The following ANK3 variants were observed in gnomAD, a reference collection of about 807,000 sequenced individuals.
The protein encoded by ANK3 is ankyrin-3.
ANK3 carries 57 observed loss-of-function variants against 370.9 expected under a neutral mutation model. The ratio of observed to expected loss-of-function variants is 0.15; its 90% CI spans 0.12 to 0.19. The LOEUF (loss-of-function observed/expected upper bound fraction) is 0.19, where lower values mean the gene tolerates loss of function less well. Ranked by LOEUF, ANK3 falls within the 10% of genes least tolerant of loss-of-function variation. ANK3 has a pLI of 1.00. For synonymous variants in ANK3, 1,929 were observed against 1,946.3 expected, an observed-to-expected ratio of 0.99 and a Z score of 0.23; for missense variants, 4,439 against 5,302.1, an observed-to-expected ratio of 0.84 and a Z score of 5.06.
chr10:60,468,541 C>T (rs947485316), intron 2 of ANK3, among the ~76,000 whole-genome samples: 1 of 152,048 alleles, frequency 6.6e-6, no homozygotes, highest in African/African-American at 2.4e-5. Context: ...ACTGGACTCT[C>T]TCTCCTCCTA....
intron 43 of ANK3, among the ~76,000 whole-genome samples, chr10:60,030,348 T>C (rs1024029572): frequency 4.6e-5 from 7 of 152,176 alleles, no homozygotes; most frequent in Non-Finnish European, 1.0e-4. Flanking sequence ...TTCACTATGT[T>C]AGTCAGGATG....
At chr10:60,290,074 T>G (rs2040980694) in intron 1 of ANK3, among the ~76,000 whole-genome samples, 1 of 152,200 alleles carries the variant, frequency 6.6e-6, no homozygotes, top group South Asian at 2.1e-4. Flanking sequence ...TAAGATATTG[T>G]GCACTGATAT....
chr10:60,401,923 A>G lies in ANK3; in HGVS notation c.97-122284T>C, dbSNP rs1224903980. Among the ~76,000 whole-genome samples, 3 of 152,210 alleles carry G rather than the reference A, an allele frequency of 2.0e-5. No homozygotes were observed. In the East Asian group the frequency reaches 5.8e-4, roughly 29 times the overall value. ...TGACTTAACGGCTAGGCTAAAATAT[A>G]TACTGAAGAGACTGGTGGAATTAAA... On this transcript the variant is annotated intron_variant, in intron 2 of 43. Coordinates refer to the ANK3 transcript ENST00000373827.
intron 2 of ANK3, among the ~76,000 whole-genome samples, chr10:60,458,947 A>G (rs2064816758): frequency 6.6e-6 from 1 of 152,118 alleles, no homozygotes. Flanking sequence ...ATTGGCCTTA[A>G]TGCTCCTAAC....
At chr10:60,375,623 A>T (rs1023902144) in intron 1 of ANK3, among the ~76,000 whole-genome samples, 4 of 152,162 alleles carry the variant, frequency 2.6e-5, no homozygotes, top group African/African-American at 9.7e-5. Context: ...TGATCTGGGA[A>T]ATACCACCAC....
chr10:60,432,713 T>C (rs1033652540), intron 2 of ANK3, among the ~76,000 whole-genome samples: 4 of 152,156 alleles, frequency 2.6e-5, no homozygotes, highest in Non-Finnish European at 4.4e-5. Context: ...TACATTCAGG[T>C]GGAGGCCTAG....
chr10:60,302,511 C>T (rs2044046202), intron 1 of ANK3, among the ~76,000 whole-genome samples: 1 of 152,082 alleles, frequency 6.6e-6, no homozygotes, highest in Admixed American at 6.6e-5. Flanking sequence ...TATTTTAGTT[C>T]TCACAGCTAT....
At chr10:60,169,366 T>TCG (rs1555052716) in intron 21 of ANK3, among the ~76,000 whole-genome samples, 4 of 106,918 alleles carry the variant, frequency 3.7e-5, no homozygotes, top group Non-Finnish European at 7.3e-5. Context: ...GTCTCATAGT[T>TCG]TTTTTTTTTT....
chr10:60,235,550 GTTTTTTTTTTTTTTTT>G (rs72388493), intron 7 of ANK3, among the ~76,000 whole-genome samples: 3 of 115,052 alleles, frequency 2.6e-5, no homozygotes, highest in South Asian at 2.8e-4. Context: ...CTGATTTCTT[GTTTTTTTTTTTTTTTT>G]TTTTTTTTTT....
At chr10:60,682,891 A>G (rs935228148) in intron 1 of ANK3, among the ~76,000 whole-genome samples, 1 of 152,210 alleles carries the variant, frequency 6.6e-6, no homozygotes, top group Non-Finnish European at 1.5e-5. Context: ...GCTCTAGCAA[A>G]TTAATTGAAC....
intron 1 of ANK3, chr10:60,300,407 A>C (rs1203335426): frequency 1.6e-6 from 2 of 1,289,484 alleles, no homozygotes; most frequent in Non-Finnish European, 2.0e-6. Flanking sequence ...CACTTTGGAC[A>C]GAGCATCACA....
At chr10:60,049,546 C>G (rs1191001819) in intron 42 of ANK3, among the ~76,000 whole-genome samples, 1 of 152,022 alleles carries the variant, frequency 6.6e-6, no homozygotes, top group Non-Finnish European at 1.5e-5. Context: ...GAGATTACAC[C>G]ACTGCACTCC....
intron 1 of ANK3, among the ~76,000 whole-genome samples, chr10:60,290,438 T>C (rs888189764): frequency 1.3e-5 from 2 of 152,000 alleles, no homozygotes; most frequent in South Asian, 2.1e-4. Flanking sequence ...TTATTAGAAA[T>C]AAACCAGCAT....
chr10:60,683,675 C>A lies in ANK3; in HGVS notation c.57+49588G>T, dbSNP rs114614406. On this transcript the variant is annotated intron_variant, in intron 1 of 43. Coordinates refer to the ANK3 transcript ENST00000373827. The stretch of plus-strand genomic sequence containing the variant: ...TTATATTTTTCTAAACTCCCTTACA[C>A]TCCTTTCTTCAGTTTCCTTTCTTCA... Among the ~76,000 whole-genome samples, 396 of 152,342 alleles carry A rather than the reference C, an allele frequency of 2.6e-3. 2 individuals are homozygous for A. The highest frequency in any genetic ancestry group is 9.0e-3 in the African/African-American group (374 of 41,574).
At chr10:60,174,692 T>A (rs1273563119) in intron 18 of ANK3, among the ~76,000 whole-genome samples, 1 of 152,176 alleles carries the variant, frequency 6.6e-6, no homozygotes, top group Non-Finnish European at 1.5e-5. Flanking sequence ...TTTCTAATAG[T>A]TGTTGAGATG....
intron 23 of ANK3, among the ~76,000 whole-genome samples, chr10:60,150,055 C>T (rs2095034506): frequency 6.6e-6 from 1 of 152,188 alleles, no homozygotes; most frequent in Non-Finnish European, 1.5e-5. Flanking sequence ...TAGGAAAGTT[C>T]CTCCCAGGCT....
At chr10:60,466,970 G>T (rs2065024825) in intron 2 of ANK3, among the ~76,000 whole-genome samples, 1 of 152,110 alleles carries the variant, frequency 6.6e-6, no homozygotes, top group African/African-American at 2.4e-5. Flanking sequence ...TCTTTTTGGG[G>T]GATGAAAAAG....
At chr10:60,673,395 G>C (rs2079085813) in intron 1 of ANK3, among the ~76,000 whole-genome samples, 1 of 152,012 alleles carries the variant, frequency 6.6e-6, no homozygotes, top group Non-Finnish European at 1.5e-5. Context: ...TTGCTGCCCA[G>C]GTTGGAGTGC....
intron 1 of ANK3, chr10:60,300,503 A>G (rs2043459608): frequency 1.6e-6 from 2 of 1,247,068 alleles, no homozygotes; most frequent in Non-Finnish European, 2.1e-6. Flanking sequence ...AACTAACTAG[A>G]GTATTTAAAT....
Sources: allele counts gnomAD v4.1 joint callset (sites outside exome capture counted in the v4.1 genomes callset), GRCh38; gene constraint gnomAD v4.1.1; transcripts MANE v1.5; gene names NCBI Gene and HGNC (gene_info 2026-07-23, HGNC 2026-07-21).